Variants in UEVLD observed in about 807,000 individuals in gnomAD.
UEVLD encodes UEV and lactate/malate dehyrogenase domains, also known as ubiquitin-conjugating enzyme E2 variant 3.
Under a neutral mutation model 58.6 loss-of-function variants are expected in UEVLD, and 47 were observed. The ratio of observed to expected loss-of-function variants is 0.80; its 90% CI spans 0.63 to 1.02. UEVLD has a LOEUF of 1.02. UEVLD is among the 50% of genes least tolerant of loss of function. The probability of loss-of-function intolerance (pLI) is 0.00; values close to 1 mark genes in which losing one functional copy is unlikely to be tolerated. For missense variants in UEVLD, 510 were observed against 550.6 expected, an observed-to-expected ratio of 0.93 and a Z score of 0.74; for synonymous variants, 197 against 195.3, an observed-to-expected ratio of 1.01 and a Z score of -0.07.
intron 1 of UEVLD, 31 bp downstream of exon 1, chr11:18,588,582 G>A (rs1368702826): frequency 3.1e-6 from 5 of 1,607,804 alleles, no homozygotes; most frequent in African/African-American, 1.3e-5. Context: ...AGACCCTGAG[G>A]ACCCAAACTG....
chr11:18,553,374 G>A (rs906765781), intron 7 of UEVLD, among the ~76,000 whole-genome samples: 3 of 151,580 alleles, frequency 2.0e-5, no homozygotes, highest in Non-Finnish European at 4.4e-5. Context: ...CTCATATGAT[G>A]GAATATTATG....
In UEVLD at chr11:18,568,373, G is replaced by T. The variant is rs1852402981; in HGVS notation, c.357+1841C>A. 2.0e-5 allele frequency among the ~76,000 whole-genome samples: 3 copies of T among 152,170 alleles called. No homozygotes were observed. In the South Asian group the frequency reaches 6.2e-4, roughly 32 times the overall value. On this transcript the variant is annotated intron_variant, in intron 4 of 11. Coordinates refer to ENST00000396197, the MANE Select transcript of UEVLD (RefSeq NM_001040697.4). ...GTACAGATGTCAAAATACTACTCGA[G>T]GATAGTTTTGTTTTGTTTTGTTTAA...
At chr11:18,576,826 C>T (rs1040218206) in intron 2 of UEVLD, among the ~76,000 whole-genome samples, 4 of 152,142 alleles carry the variant, frequency 2.6e-5, no homozygotes, top group African/African-American at 9.7e-5. Context: ...TGGCTTCCCC[C>T]CACCCACCAA....
chr11:18,574,388 T>TA (rs1189745019), intron 3 of UEVLD, among the ~76,000 whole-genome samples: 1 of 152,216 alleles, frequency 6.6e-6, no homozygotes, highest in African/African-American at 2.4e-5. Context: ...TCTGCCCACC[T>TA]AGGCCTCCCA....
chr11:18,581,077 G>A (rs939473713), intron 1 of UEVLD, among the ~76,000 whole-genome samples: 1 of 150,202 alleles, frequency 6.7e-6, no homozygotes, highest in African/African-American at 2.5e-5. Flanking sequence ...CAGGAGAATC[G>A]CTTAAACCCA....
intron 11 of UEVLD, 27 bp downstream of exon 11, chr11:18,534,303 T>G (rs1850697117): frequency 1.4e-6 from 2 of 1,452,516 alleles, no homozygotes; most frequent in African/African-American, 1.5e-5. Flanking sequence ...GTTTAAAATA[T>G]AATAAGAGAA....
rs1205721787 is a variant in UEVLD at position 18,560,148 on chromosome 11, A to AG, written c.613-1819_613-1818insC. Reference sequence around the variant, plus strand: ...ACACACACACACACACAGAGAGAGAAAGAAAATAACCCTGCTACACTATGT... The same window carrying AG: ...ACACACACACACACACAGAGAGAGAAGAGAAAATAACCCTGCTACACTATGT... On this transcript the variant is annotated intron_variant, in intron 6 of 11. Transcript: ENST00000396197. Among the ~76,000 whole-genome samples the AG allele has an allele frequency of 9.2e-5, 5 of 54,262 alleles. No homozygotes were observed. The East Asian group carries it at 3.4e-3, about 37-fold the overall frequency. The allele number at this position is 54,262 out of a possible 152,430, so 35.6% of individuals were successfully genotyped here. A position where few individuals can be genotyped will look rare whatever the true frequency, so the allele number is the denominator to read the frequency against.
At chr11:18,560,935 C>T (rs985519590) in intron 6 of UEVLD, among the ~76,000 whole-genome samples, 17 of 151,760 alleles carry the variant, frequency 1.1e-4, no homozygotes, top group African/African-American at 3.4e-4. Context: ...CTCTTGAAGC[C>T]GGGAGGTGGA....
chr11:18,552,637 G>A (rs1432824814), intron 7 of UEVLD, among the ~76,000 whole-genome samples: 3 of 151,920 alleles, frequency 2.0e-5, no homozygotes, highest in Admixed American at 1.3e-4. Context: ...TGAGGTGGGC[G>A]GATCACCTGA....
chr11:18,566,412 G>A lies in UEVLD; in HGVS notation c.428C>T (p.Ser143Phe), dbSNP rs564664426. 1 of 1,614,060 alleles carries A rather than the reference G, an allele frequency of 6.2e-7. No individual in the cohort carries two copies. Among genetic ancestry groups the A allele is most frequent in the South Asian group, 1.1e-5 (1 of 91,086 alleles). The change falls in exon 5 of 12, where the codon TCT becomes TTT. Residue 143 changes from serine (S) to phenylalanine (F), a missense_variant. Transcript: ENST00000396197. Reference protein sequence around the residue: ...AKFQEELPMYSLSSSDEARQV... With the variant: ...AKFQEELPMYFLSSSDEARQV... Reference sequence around the variant, plus strand: ...CCGTGCCTCATCAGATGATGATAGAGAATACATGGGAAGTTCCTCTTGAAA... The same window carrying A: ...CCGTGCCTCATCAGATGATGATAGAAAATACATGGGAAGTTCCTCTTGAAA...
chr11:18,569,878 T>C (rs1026540790), intron 4 of UEVLD: 1 of 167,220 alleles, frequency 6.0e-6, no homozygotes, highest in South Asian at 1.6e-4. Context: ...AAATATAACA[T>C]AAAAATCTGT....
At position 18,534,389 on chromosome 11, in the gene UEVLD, T is replaced by C. The variant is rs139529878; in HGVS notation, c.1189A>G (p.Met397Val). 1.2e-4 allele frequency: 193 copies of C among 1,579,564 alleles called. No homozygotes were observed. The highest frequency in any genetic ancestry group is 4.6e-4 in the Admixed American group (24 of 52,078). Reference sequence around the variant, plus strand: ...TTATTGTTTACAATACTGTCAACCATGTCAGCTACTGATAGTCCAACAGAC... The same window carrying C: ...TTATTGTTTACAATACTGTCAACCACGTCAGCTACTGATAGTCCAACAGAC... ...SWSVGLSVAD[M>V]VDSIVNNKKK... is the part of the protein sequence containing the mutation. Residue 397 changes from methionine (M) to valine (V), a missense_variant, in exon 11 of 12, where the codon ATG (methionine) becomes GTG (valine). By Grantham distance (21) the Met-to-Val change is conservative. Transcript: ENST00000396197.
intron 4 of UEVLD, among the ~76,000 whole-genome samples, chr11:18,567,769 T>G (rs1852370893): frequency 2.6e-5 from 4 of 152,226 alleles, no homozygotes. Context: ...GCTACATAAT[T>G]ATAATTCCAA....
At chr11:18,563,474 C>T (rs1158875118) in intron 6 of UEVLD, among the ~76,000 whole-genome samples, 1 of 151,976 alleles carries the variant, frequency 6.6e-6, no homozygotes, top group African/African-American at 2.4e-5. Context: ...GCCTGTAAGC[C>T]CAGCTACTTG....
intron 6 of UEVLD, among the ~76,000 whole-genome samples, chr11:18,560,940 G>C (rs1018294023): frequency 6.6e-6 from 1 of 152,032 alleles, no homozygotes; most frequent in African/African-American, 2.4e-5. Flanking sequence ...GAAGCCGGGA[G>C]GTGGAGGTTG....
At chr11:18,588,386 C>A (rs1248532388) in intron 1 of UEVLD, among the ~76,000 whole-genome samples, 1 of 152,140 alleles carries the variant, frequency 6.6e-6, no homozygotes, top group Non-Finnish European at 1.5e-5. Flanking sequence ...ATGAGGAGGG[C>A]TCGCACCAGG....
intron 7 of UEVLD, among the ~76,000 whole-genome samples, chr11:18,556,902 G>C (rs1248797211): frequency 6.6e-6 from 1 of 151,848 alleles, no homozygotes; most frequent in African/African-American, 2.4e-5. Flanking sequence ...AGACCAGCCT[G>C]GGCAATAAGG....
intron 2 of UEVLD, among the ~76,000 whole-genome samples, chr11:18,577,467 C>T (rs753919382): frequency 1.3e-4 from 20 of 152,200 alleles, no homozygotes; most frequent in South Asian, 2.1e-4. Context: ...AGAGAATCAA[C>T]GCCCTAATCT....
intron 11 of UEVLD, 120 bp from the exon 12 acceptor site, chr11:18,532,607 A>AT: frequency 1.3e-6 from 1 of 781,888 alleles, no homozygotes; most frequent in Non-Finnish European, 1.8e-6. Flanking sequence ...ACTTAAAAAA[A>AT]TTTTTTTGTT....
Sources: gnomAD v4.1 joint callset for allele counts (sites outside exome capture counted in the v4.1 genomes callset) on GRCh38, gnomAD v4.1.1 for gene constraint, MANE v1.5 for transcripts, NCBI Gene and HGNC (gene_info 2026-07-23, HGNC 2026-07-21) for gene names.